SHROOM3: variants seen among roughly 807,000 people sequenced by gnomAD.
The protein encoded by SHROOM3 is shroom family member 3.
In SHROOM3, 47 loss-of-function variants were observed where a neutral mutation model predicts 138.6. The observed-to-expected ratio is 0.34, with a 90% CI of 0.27 to 0.43. The LOEUF (loss-of-function observed/expected upper bound fraction) is 0.43, where lower values mean the gene tolerates loss of function less well. Ranked by LOEUF, SHROOM3 falls within the 20% of genes least tolerant of loss-of-function variation. The probability of loss-of-function intolerance (pLI) is 1.00; values close to 1 mark genes in which losing one functional copy is unlikely to be tolerated. For synonymous variants in SHROOM3, 1,062 were observed against 1,063.3 expected (o/e 1.00, Z 0.02); for missense variants, 2,491 against 2,596.5 (o/e 0.96, Z 0.88).
At chr4:76,773,333 C>A (rs2109794872) in intron 10 of SHROOM3, among the ~76,000 whole-genome samples, 1 of 148,588 alleles carries the variant, frequency 6.7e-6, no homozygotes, top group Admixed American at 6.7e-5. Context: ...GAGATCACAC[C>A]ACTGCACTCC....
chr4:76,487,992 G>A (rs1331976176), intron 1 of SHROOM3, among the ~76,000 whole-genome samples: 3 of 152,118 alleles, frequency 2.0e-5, no homozygotes, highest in African/African-American at 7.2e-5. Context: ...TTTAATATGT[G>A]TGTCATCTTG....
intron 1 of SHROOM3, among the ~76,000 whole-genome samples, chr4:76,541,182 G>A (rs1295766700): frequency 6.6e-6 from 1 of 152,024 alleles, no homozygotes; most frequent in Non-Finnish European, 1.5e-5. Context: ...TACATATTAT[G>A]TTTCCATGAA....
At chr4:76,606,429 G>T (rs1175607195) in intron 2 of SHROOM3, among the ~76,000 whole-genome samples, 5 of 151,974 alleles carry the variant, frequency 3.3e-5, no homozygotes, top group Non-Finnish European at 4.4e-5. Flanking sequence ...GATAGTAAAG[G>T]CTGGGTGCAG....
intron 2 of SHROOM3, among the ~76,000 whole-genome samples, chr4:76,599,292 C>T (rs1734455583): frequency 6.6e-6 from 1 of 152,018 alleles, no homozygotes; most frequent in East Asian, 1.9e-4. Flanking sequence ...CGAAAAACAC[C>T]TTGATCCTTA....
At chr4:76,460,653 T>C (rs1442492319) in intron 1 of SHROOM3, among the ~76,000 whole-genome samples, 1 of 151,748 alleles carries the variant, frequency 6.6e-6, no homozygotes, top group Admixed American at 6.6e-5. Context: ...AGGTCTTTCC[T>C]CTGTGCCCCC....
intron 1 of SHROOM3, among the ~76,000 whole-genome samples, chr4:76,545,836 C>T (rs1021308982): frequency 6.6e-6 from 1 of 152,042 alleles, no homozygotes; most frequent in Non-Finnish European, 1.5e-5. Context: ...CAAATTTCGC[C>T]CAAGATCACC....
At chr4:76,627,485 T>C (rs947815164) in intron 2 of SHROOM3, among the ~76,000 whole-genome samples, 1 of 152,152 alleles carries the variant, frequency 6.6e-6, no homozygotes, top group African/African-American at 2.4e-5. Flanking sequence ...TATTGTGTTC[T>C]CTATTGTTTA....
In SHROOM3 at chr4:76,640,903, A is replaced by G. The variant is rs565249429; in HGVS notation, c.324-69253A>G. Among the ~76,000 whole-genome samples, 10 of 152,320 alleles carry G rather than the reference A, an allele frequency of 6.6e-5. No individual in the cohort carries two copies. In the East Asian group the frequency reaches 1.9e-3, roughly 29 times the overall value. On this transcript the variant is annotated intron_variant, in intron 2 of 10. Coordinates refer to ENST00000296043, the MANE Select transcript of SHROOM3 (RefSeq NM_020859.4). ...AATCTGTATTTGAATTGCCTGTCAG[A>G]GGCCAGGTGAAACCAAGCAGTGGGT...
Position 76,741,714 on chromosome 4 carries a change from G to C in SHROOM3, c.3541G>C (p.Gly1181Arg). 1.3e-6 allele frequency: 2 copies of C among 1,554,228 alleles called. No individual in the cohort carries two copies. Among genetic ancestry groups the C allele is most frequent in the Non-Finnish European group, 1.7e-6 (2 of 1,150,002 alleles). Reference protein sequence around the residue: ...SSSFAGGRRLGERRRGDLLSG... With the variant: ...SSSFAGGRRLRERRRGDLLSG... ...CTCCTTCGCCGGTGGCCGCCGCCTCGGGGAACGGCGACGCGGGGACCTGCT... is the reference window on the plus strand; with the variant it reads ...CTCCTTCGCCGGTGGCCGCCGCCTCCGGGAACGGCGACGCGGGGACCTGCT... Residue 1181 changes from glycine (G) to arginine (R), a missense_variant, in exon 5 of 11, where the codon GGG becomes CGG. Gly to Arg is a moderately radical substitution (Grantham distance 125). Around this residue, in one of 4 missense-constraint regions of SHROOM3, gnomAD observed 1,733 missense variants for 1,661.6 expected, o/e 1.04. Coordinates refer to ENST00000296043, the MANE Select transcript of SHROOM3 (RefSeq NM_020859.4). The surrounding 1 kb of genome is among the most constrained non-coding windows in gnomAD (Gnocchi z 6.2).
chr4:76,752,726 G>A (rs1340249173), intron 6 of SHROOM3, among the ~76,000 whole-genome samples: 2 of 152,016 alleles, frequency 1.3e-5, no homozygotes, highest in East Asian at 3.8e-4. Context: ...AAAAGAAAAT[G>A]CCACTTTAGT....
intron 2 of SHROOM3, among the ~76,000 whole-genome samples, chr4:76,562,033 C>A (rs1356322787): frequency 6.6e-6 from 1 of 151,904 alleles, no homozygotes; most frequent in African/African-American, 2.4e-5. Context: ...CAAAAAAAAC[C>A]CTCAAAACAA....
intron 2 of SHROOM3, among the ~76,000 whole-genome samples, chr4:76,618,060 G>A (rs1292594643): frequency 2.0e-5 from 3 of 152,256 alleles, no homozygotes; most frequent in Admixed American, 1.3e-4. Context: ...AACACTTTGG[G>A]AGTCCAAGGC....
At chr4:76,735,878 T>A (rs1269336352) in intron 4 of SHROOM3, among the ~76,000 whole-genome samples, 70 of 35,064 alleles carry the variant, frequency 2.0e-3, no homozygotes, top group African/African-American at 4.6e-3. Context: ...AATATATATA[T>A]ATATATATAT....
At chr4:76,745,513 T>C (rs1721405916) in intron 5 of SHROOM3, among the ~76,000 whole-genome samples, 1 of 152,238 alleles carries the variant, frequency 6.6e-6, no homozygotes, top group African/African-American at 2.4e-5. Context: ...GTATTGGATA[T>C]AGGCTTGATT....
chr4:76,551,211 A>C (rs912555252), intron 1 of SHROOM3, among the ~76,000 whole-genome samples: 1 of 151,984 alleles, frequency 6.6e-6, no homozygotes, highest in African/African-American at 2.4e-5. Flanking sequence ...ATTGTGAGGA[A>C]CTCTGTAAAT....
intron 1 of SHROOM3, among the ~76,000 whole-genome samples, chr4:76,449,252 GGAGA>G (rs909723298): frequency 8.5e-5 from 13 of 152,120 alleles, no homozygotes; most frequent in Non-Finnish European, 1.5e-4. Context: ...GGATCTCTGA[GGAGA>G]GAAATTCTTT....
rs1476687865 is a variant in SHROOM3, at chr4:76,590,695, AT to A, written c.323+34944del. 5.7e-3 allele frequency among the ~76,000 whole-genome samples: 840 copies of A among 146,392 alleles called. 5 individuals are homozygous for A. The highest frequency in any genetic ancestry group is 0.018 in the African/African-American group (714 of 40,194). On this transcript the variant is annotated intron_variant, in intron 2 of 10. Transcript: ENST00000296043. ...ATTTGTACTTGGTGTTGAGGTCTTA[AT>A]TTTTTTTTTTTCTCCCCCGGGGTAG...
intron 2 of SHROOM3, among the ~76,000 whole-genome samples, chr4:76,593,037 T>C (rs1734306385): frequency 6.6e-6 from 1 of 152,208 alleles, no homozygotes; most frequent in Non-Finnish European, 1.5e-5. Flanking sequence ...TGTCGAGTGA[T>C]GACTAGCTCA....
chr4:76,768,210 G>A (rs894472425), intron 9 of SHROOM3, among the ~76,000 whole-genome samples: 3 of 152,214 alleles, frequency 2.0e-5, no homozygotes, highest in African/African-American at 7.2e-5. Context: ...AGTCCAGCAG[G>A]AATGCTGGGA....
Sources: gnomAD v4.1 joint callset for allele counts (sites outside exome capture counted in the v4.1 genomes callset) on GRCh38, gnomAD v4.1.1 for gene constraint, gnomAD v4.1.1 regional missense constraint, Gnocchi (gnomAD v3.1) non-coding constraint, MANE v1.5 for transcripts, NCBI Gene and HGNC (gene_info 2026-07-23, HGNC 2026-07-21) for gene names.